Variants in CPQ observed in about 807,000 individuals in gnomAD.
CPQ encodes the protein carboxypeptidase Q, also known as Ser-Met dipeptidase.
A neutral mutation model predicts 45.7 loss-of-function variants in CPQ; 37 were observed. The observed-to-expected ratio is 0.81, with a 90% CI of 0.62 to 1.07. CPQ has a LOEUF of 1.07. CPQ is among the 50% of genes least tolerant of loss of function. The pLI, the probability that CPQ is intolerant of heterozygous loss-of-function variation, is 0.00. For synonymous variants in CPQ, 186 were observed against 205.8 expected, an observed-to-expected ratio of 0.90 and a Z score of 0.82; for missense variants, 537 against 572.9, an observed-to-expected ratio of 0.94 and a Z score of 0.64.
chr8:97,061,177 C>T (rs1810544228), intron 6 of CPQ, among the ~76,000 whole-genome samples: 1 of 152,110 alleles, frequency 6.6e-6, no homozygotes, highest in Admixed American at 6.6e-5. Context: ...ATCTACACAT[C>T]CTGTCTTATT....
chr8:96,928,997 A>G (rs28395300), intron 4 of CPQ, among the ~76,000 whole-genome samples: 12,084 of 152,246 alleles, frequency 0.079, 928 homozygotes, highest in African/African-American at 0.2. Flanking sequence ...TTAAAAAATT[A>G]TAATTTATTC....
chr8:96,817,691 G>T (rs1418870837), intron 2 of CPQ, among the ~76,000 whole-genome samples: 1 of 151,362 alleles, frequency 6.6e-6, no homozygotes, highest in African/African-American at 2.4e-5. Context: ...CTGGCTCACT[G>T]CAGCCTTGAT....
intron 4 of CPQ, among the ~76,000 whole-genome samples, chr8:96,927,980 A>G (rs1261893472): frequency 6.6e-6 from 1 of 152,200 alleles, no homozygotes; most frequent in Non-Finnish European, 1.5e-5. Flanking sequence ...TGATGCCACA[A>G]TGCAGTTGTG....
intron 2 of CPQ, among the ~76,000 whole-genome samples, chr8:96,822,292 CCATT>C (rs1380879890): frequency 6.6e-6 from 1 of 151,934 alleles, no homozygotes; most frequent in African/African-American, 2.4e-5. Flanking sequence ...TTTCCTTTAT[CCATT>C]CATTCACTGA....
At chr8:96,646,817 A>G (rs1815524151) in intron 1 of CPQ, among the ~76,000 whole-genome samples, 1 of 152,242 alleles carries the variant, frequency 6.6e-6, no homozygotes, top group Non-Finnish European at 1.5e-5. Flanking sequence ...TTCACCTCCC[A>G]TAGCATTTTG....
At chr8:97,137,903 C>T (rs1049623593) in intron 7 of CPQ, among the ~76,000 whole-genome samples, 2 of 151,862 alleles carry the variant, frequency 1.3e-5, no homozygotes, top group Non-Finnish European at 1.5e-5. Context: ...AAAAAAAGGA[C>T]TTCTGGCTTT....
chr8:96,696,569 A>G (rs1809387547), intron 1 of CPQ, among the ~76,000 whole-genome samples: 1 of 152,080 alleles, frequency 6.6e-6, no homozygotes. Flanking sequence ...AGTACAAAAG[A>G]TCAATGAAGT....
intron 7 of CPQ, among the ~76,000 whole-genome samples, chr8:97,084,836 G>GTGTGTGTGTGTC (rs373339730): frequency 1.3e-5 from 2 of 151,278 alleles, no homozygotes; most frequent in African/African-American, 4.9e-5. Context: ...GTGTGTGTGT[G>GTGTGTGTGTGTC]TCTCTCTGTG....
In CPQ at chr8:96,948,988, A is replaced by C. The variant is rs1046451476; in HGVS notation, c.850-16947A>C. Among the ~76,000 whole-genome samples, 8 of 152,162 alleles carry C rather than the reference A, an allele frequency of 5.3e-5. No homozygotes were observed. The East Asian group carries it at 1.5e-3, about 29-fold the overall frequency. ...ATTCTTTTGGTTACCATTTGCTTAG[A>C]ATACCTTTTTCTAGCCCTTCACTTT... On this transcript the variant is annotated intron_variant, in intron 4 of 7. Coordinates refer to ENST00000220763, the MANE Select transcript of CPQ (RefSeq NM_016134.4).
At chr8:96,730,051 T>G (rs1809890542) in intron 1 of CPQ, among the ~76,000 whole-genome samples, 1 of 152,054 alleles carries the variant, frequency 6.6e-6, no homozygotes, top group Non-Finnish European at 1.5e-5. Context: ...CCTTCGAAAA[T>G]GAGGGAGGTA....
At chr8:97,087,829 C>G (rs1811065978) in intron 7 of CPQ, among the ~76,000 whole-genome samples, 1 of 152,076 alleles carries the variant, frequency 6.6e-6, no homozygotes, top group Non-Finnish European at 1.5e-5. Flanking sequence ...TAGTCTGTAC[C>G]TAGTTTTAAA....
Position 97,055,277 on chromosome 8 carries a change from T to C in CPQ, c.1054-10732T>C, listed in dbSNP as rs982113287. On this transcript the variant is annotated intron_variant, in intron 6 of 7. Coordinates refer to ENST00000220763, the MANE Select transcript of CPQ (RefSeq NM_016134.4). ...CTCCTCCTGATGTCTCACTCCCCTC[T>C]CTCCTTTCTCCAGGGCTATTGTTGC... is the stretch of plus-strand genomic sequence containing the variant. 1.3e-5 allele frequency among the ~76,000 whole-genome samples: 2 copies of C among 152,238 alleles called. 1 individual carries two copies.
intron 1 of CPQ, among the ~76,000 whole-genome samples, chr8:96,685,872 C>A (rs1702849089): frequency 6.6e-6 from 1 of 152,028 alleles, no homozygotes; most frequent in Admixed American, 6.6e-5. Flanking sequence ...CCTCACTTTT[C>A]CATTTGTTTA....
chr8:96,893,865 T>C (rs1208442459), intron 4 of CPQ, among the ~76,000 whole-genome samples: 1 of 152,236 alleles, frequency 6.6e-6, no homozygotes, highest in Non-Finnish European at 1.5e-5. Flanking sequence ...TCCACATTTT[T>C]TTTTAAAATT....
intron 6 of CPQ, 37 bp downstream of exon 6, chr8:97,029,531 A>C: frequency 6.5e-7 from 1 of 1,531,012 alleles, no homozygotes; most frequent in Non-Finnish European, 8.9e-7. Context: ...GCATTTGTAC[A>C]TGTAATATAC....
chr8:96,717,558 T>C (rs1187924070), intron 1 of CPQ, among the ~76,000 whole-genome samples: 1 of 152,192 alleles, frequency 6.6e-6, no homozygotes, highest in African/African-American at 2.4e-5. Context: ...GGCTCTTTTT[T>C]GGTCCCATAT....
At chr8:97,106,330 A>G (rs541971803) in intron 7 of CPQ, among the ~76,000 whole-genome samples, 29 of 152,276 alleles carry the variant, frequency 1.9e-4, no homozygotes, top group African/African-American at 6.5e-4. Flanking sequence ...CCGGGTTCTG[A>G]CCCTATCTTT....
At chr8:96,873,631 A>T (rs1396866605) in intron 3 of CPQ, among the ~76,000 whole-genome samples, 1 of 151,784 alleles carries the variant, frequency 6.6e-6, no homozygotes, top group African/African-American at 2.4e-5. Flanking sequence ...AAAAAACTCT[A>T]TGGAAACAAA....
chr8:97,056,227 T>C (rs1013417372), intron 6 of CPQ, among the ~76,000 whole-genome samples: 1 of 152,136 alleles, frequency 6.6e-6, no homozygotes, highest in Non-Finnish European at 1.5e-5. Flanking sequence ...AGGTACTGAG[T>C]AGCTGTGGGA....
Sources: allele counts gnomAD v4.1 joint callset (sites outside exome capture counted in the v4.1 genomes callset), GRCh38; gene constraint gnomAD v4.1.1; transcripts MANE v1.5; gene names NCBI Gene and HGNC (gene_info 2026-07-23, HGNC 2026-07-21).